AGBL4: variants seen among roughly 807,000 people sequenced by gnomAD.
AGBL4 encodes cytosolic carboxypeptidase 6.
In AGBL4, 58 loss-of-function variants were observed where a neutral mutation model predicts 66.4. That is an observed-to-expected ratio of 0.87 (90% CI 0.71 to 1.09). The LOEUF (loss-of-function observed/expected upper bound fraction) is 1.09, where lower values mean the gene tolerates loss of function less well. Ranked by LOEUF, AGBL4 falls within the 50% of genes least tolerant of loss-of-function variation. The probability of loss-of-function intolerance (pLI) is 0.00; values close to 1 mark genes in which losing one functional copy is unlikely to be tolerated. For missense variants in AGBL4, 579 were observed against 631.0 expected (o/e 0.92, Z 0.88); for synonymous variants, 234 against 222.9 (o/e 1.05, Z -0.44).
intron 3 of AGBL4, among the ~76,000 whole-genome samples, chr1:49,438,107 C>A (rs542923967): frequency 2.0e-5 from 3 of 152,240 alleles, no homozygotes; most frequent in African/African-American, 4.8e-5. Context: ...CTCCATTTTA[C>A]ATGTGAGGAA....
intron 3 of AGBL4, among the ~76,000 whole-genome samples, chr1:49,571,694 G>A (rs1644335079): frequency 6.6e-6 from 1 of 152,048 alleles, no homozygotes; most frequent in African/African-American, 2.4e-5. Context: ...TCAGTACCAT[G>A]TTAGTTGTCA....
intron 2 of AGBL4, among the ~76,000 whole-genome samples, chr1:49,828,865 T>A (rs1645579749): frequency 6.6e-6 from 1 of 151,706 alleles, no homozygotes; most frequent in South Asian, 2.1e-4. Context: ...GGTCAGGAGA[T>A]CAAGACCATC....
rs567127082 is a variant in AGBL4 at position 49,421,881 on chromosome 1, C to T, written c.283-176017G>A. Among the ~76,000 whole-genome samples, 5 of 152,220 alleles carry T rather than the reference C, an allele frequency of 3.3e-5. 1 individual carries two copies. The South Asian group carries it at 8.3e-4, about 25-fold the overall frequency. Reference sequence around the variant, plus strand: ...TCCCTCCTGCCTTTCCCCTAAGCACCGTTTGACGCCCACTCCACCTCCAGT... The same window carrying T: ...TCCCTCCTGCCTTTCCCCTAAGCACTGTTTGACGCCCACTCCACCTCCAGT... On this transcript the variant is annotated intron_variant, in intron 3 of 13. Transcript: ENST00000371839.
chr1:49,721,440 A>G (rs1415749199), intron 2 of AGBL4, among the ~76,000 whole-genome samples: 2 of 151,852 alleles, frequency 1.3e-5, no homozygotes, highest in Non-Finnish European at 2.9e-5. Flanking sequence ...GCAGGAACCA[A>G]CTCCAGACAC....
chr1:49,429,457 TCTATG>T (rs1212995542), intron 3 of AGBL4, among the ~76,000 whole-genome samples: 1 of 152,210 alleles, frequency 6.6e-6, no homozygotes, highest in Non-Finnish European at 1.5e-5. Context: ...TTTGAAATTT[TCTATG>T]CTATAATATA....
intron 4 of AGBL4, among the ~76,000 whole-genome samples, chr1:49,062,670 C>T (rs1272402911): frequency 2.6e-5 from 4 of 152,272 alleles, no homozygotes; most frequent in African/African-American, 9.6e-5. Flanking sequence ...GGATTTTAAT[C>T]ATGTTCTCAA....
intron 6 of AGBL4, among the ~76,000 whole-genome samples, chr1:48,829,588 C>T (rs1028223780): frequency 1.3e-5 from 2 of 152,142 alleles, no homozygotes; most frequent in Non-Finnish European, 2.9e-5. Flanking sequence ...TATTCCTCCT[C>T]ACCCTTGAAT....
chr1:48,710,993 C>G (rs926227446), intron 6 of AGBL4, among the ~76,000 whole-genome samples: 2 of 152,184 alleles, frequency 1.3e-5, no homozygotes, highest in Non-Finnish European at 2.9e-5. Context: ...TCCATCTCTC[C>G]TCTTTGGGAC....
intron 2 of AGBL4, among the ~76,000 whole-genome samples, chr1:49,764,189 A>T (rs1359338208): frequency 6.6e-6 from 1 of 152,132 alleles, no homozygotes; most frequent in Non-Finnish European, 1.5e-5. Context: ...GAGGCAACAG[A>T]CAAGGCTGGG....
At chr1:49,856,989 C>CAA (rs879541846) in intron 1 of AGBL4, among the ~76,000 whole-genome samples, 1 of 129,826 alleles carries the variant, frequency 7.7e-6, no homozygotes, top group African/African-American at 2.8e-5. Context: ...AAGCTTCTGC[C>CAA]AAAAAAAAAA....
At chr1:49,283,608 T>G (rs1204131565) in intron 3 of AGBL4, among the ~76,000 whole-genome samples, 2 of 151,946 alleles carry the variant, frequency 1.3e-5, no homozygotes, top group Non-Finnish European at 2.9e-5. Flanking sequence ...GGCAAATAAG[T>G]TGAAAACTTT....
chr1:49,135,634 G>A (rs1232780962), intron 4 of AGBL4, among the ~76,000 whole-genome samples: 1 of 152,196 alleles, frequency 6.6e-6, no homozygotes. Context: ...TAAAGGAATA[G>A]GTTGGGCTAG....
At chr1:49,380,628 T>C (rs547375812) in intron 3 of AGBL4, among the ~76,000 whole-genome samples, 83 of 152,274 alleles carry the variant, frequency 5.5e-4, no homozygotes, top group African/African-American at 1.9e-3. Flanking sequence ...AACAGCATGG[T>C]ACTGGTACCA....
intron 4 of AGBL4, among the ~76,000 whole-genome samples, chr1:49,176,285 A>C (rs1229661231): frequency 1.3e-5 from 2 of 152,180 alleles, no homozygotes; most frequent in Non-Finnish European, 2.9e-5. Context: ...CTCAAGTTGC[A>C]GTAAGGTAGG....
intron 6 of AGBL4, chr1:48,727,780 GC>G: frequency 8.9e-7 from 1 of 1,118,560 alleles, no homozygotes; most frequent in East Asian, 2.4e-5. Context: ...ATGGATCCCT[GC>G]ACACACACCA....
chr1:49,375,018 T>C (rs1057429076), intron 3 of AGBL4, among the ~76,000 whole-genome samples: 5 of 152,170 alleles, frequency 3.3e-5, no homozygotes, highest in African/African-American at 1.2e-4. Flanking sequence ...TCCAAAACAC[T>C]CTTTTCTTCA....
chr1:49,945,362 G>A (rs1271765903), intron 1 of AGBL4, among the ~76,000 whole-genome samples: 1 of 152,064 alleles, frequency 6.6e-6, no homozygotes, highest in Non-Finnish European at 1.5e-5. Flanking sequence ...ATTAACAGCA[G>A]ATTTCTCAGC....
At chr1:48,866,673 C>G (rs1282153955) in intron 6 of AGBL4, among the ~76,000 whole-genome samples, 1 of 152,172 alleles carries the variant, frequency 6.6e-6, no homozygotes, top group Non-Finnish European at 1.5e-5. Context: ...ACCTTTTAAT[C>G]CCATGGTCAT....
At chr1:49,281,349 A>G (rs770701215) in intron 3 of AGBL4, among the ~76,000 whole-genome samples, 1 of 152,192 alleles carries the variant, frequency 6.6e-6, no homozygotes, top group Non-Finnish European at 1.5e-5. Context: ...AGAGAGCAAG[A>G]AAGAAGGCTG....
Sources: allele counts gnomAD v4.1 joint callset (sites outside exome capture counted in the v4.1 genomes callset), GRCh38; gene constraint gnomAD v4.1.1; transcripts MANE v1.5; gene names NCBI Gene and HGNC (gene_info 2026-07-23, HGNC 2026-07-21).